Variants in FOXH1 observed in about 807,000 individuals in gnomAD.
The protein encoded by FOXH1 is forkhead box protein H1.
FOXH1 carries 10 observed loss-of-function variants against 14.2 expected under a neutral mutation model. That is an observed-to-expected ratio of 0.70 (90% CI 0.43 to 1.19). FOXH1 has a LOEUF of 1.19. FOXH1 is among the 50% of genes most tolerant of loss of function. The pLI is 0.00. For missense variants in FOXH1, 643 were observed against 492.1 expected (o/e 1.31, Z -2.90); for synonymous variants, 273 against 209.5 (o/e 1.30, Z -2.62).
chr8:144,475,023 C>T lies in FOXH1; in HGVS notation c.313G>A (p.Gly105Ser), dbSNP rs748784280. 4.4e-6 allele frequency: 7 copies of T among 1,604,404 alleles called. No homozygotes were observed. The South Asian group carries it at 6.7e-5, about 15-fold the overall frequency. Residue 105 changes from glycine (G) to serine (S), a missense_variant, in exon 3 of 3, where the codon GGC (glycine) becomes AGC (serine). Gly to Ser is a moderately conservative substitution (Grantham distance 56). Transcript: ENST00000377317. ...CTCACGTCGACCGCCCAGAAGTTGC[C>T]CTTGGCCTGGGGCTTTGCAGGGTCC... The part of the protein sequence containing the change: ...PKDPAKPQAK[G>S]NFWAVDVSLI...
chr8:144,473,587 GC>G lies in FOXH1; in HGVS notation c.*650del. 1.4e-6 allele frequency: 1 copy of G among 699,318 alleles called. No individual in the cohort carries two copies. The highest frequency in any genetic ancestry group is 2.1e-6 in the Non-Finnish European group (1 of 478,466). The allele number at this position is 699,318 out of a possible 1,614,324, so 43.3% of individuals were successfully genotyped here. A position where few individuals can be genotyped will look rare whatever the true frequency, so the allele number is the denominator to read the frequency against. On this transcript the variant is annotated 3_prime_UTR_variant, in exon 3 of 3. Transcript: ENST00000377317. ...GTGCCTGCTGAAGTGATCACCCCCCGCCCCCAGCCCTGCATCAGGCCACAGG... is the reference window on the plus strand; with the variant it reads ...GTGCCTGCTGAAGTGATCACCCCCCGCCCCAGCCCTGCATCAGGCCACAGG...
Position 144,474,689 on chromosome 8 carries a change from A to G in FOXH1, c.647T>C (p.Leu216Pro), listed in dbSNP as rs1825086697. 1.3e-6 allele frequency: 2 copies of G among 1,537,852 alleles called. No homozygotes were observed. The highest frequency in any genetic ancestry group is 1.8e-4 in the Middle Eastern group (1 of 5,624). Reference protein sequence around the residue: ...TPPLPSSERPLWPLCPLPGPT... With the variant: ...TPPLPSSERPPWPLCPLPGPT... ...GCCAGGAAGGGGGCAGAGGGGCCACAGAGGCCTCTCAGAAGAGGGAAGGGG... is the reference window on the plus strand; with the variant it reads ...GCCAGGAAGGGGGCAGAGGGGCCACGGAGGCCTCTCAGAAGAGGGAAGGGG... The change falls in exon 3 of 3, where the codon CTG becomes CCG. Residue 216 changes from leucine to proline, a missense_variant. Leu to Pro is a moderately conservative substitution (Grantham distance 98). Transcript: ENST00000377317.
Position 144,473,491 on chromosome 8 carries a change from A to T in FOXH1, c.*747T>A, listed in dbSNP as rs1481380387. The T allele has an allele frequency of 7.0e-7, 1 of 1,434,212 alleles. No individual in the cohort carries two copies. The highest frequency in any genetic ancestry group is 9.1e-7 in the Non-Finnish European group (1 of 1,096,232). 88.8% of individuals were successfully genotyped at this position (1,434,212 alleles called of 1,614,324 possible). On this transcript the variant is annotated 3_prime_UTR_variant, in exon 3 of 3. Coordinates refer to ENST00000377317, the MANE Select transcript of FOXH1 (RefSeq NM_003923.3). ...CCGTCTCCCAGGGCACAAGCTCCCT[A>T]GCCTCTTTGGATCCATTGCCCCTGA...
chr8:144,475,048 C>CTTGGGCACCTGGGTGTGGGGGTCA lies in FOXH1; in HGVS notation c.280-16_287dup (p.Pro95_Lys96insAsnAspProHisThrGlnValPro). 1.2e-6 allele frequency: 2 copies of CTTGGGCACCTGGGTGTGGGGGTCA among 1,601,610 alleles called. No homozygotes were observed. Among genetic ancestry groups the CTTGGGCACCTGGGTGTGGGGGTCA allele is most frequent in the South Asian group, 2.2e-5 (2 of 89,402 alleles). The stretch of plus-strand genomic sequence containing the variant: ...CCTTGGCCTGGGGCTTTGCAGGGTC[C>CTTGGGCACCTGGGTGTGGGGGTCA]TTGGGCACCTGGGTGTGGGGGTCAG... On this transcript the variant is annotated inframe_insertion, in exon 3 of 3. Coordinates refer to ENST00000377317, the MANE Select transcript of FOXH1 (RefSeq NM_003923.3).
Position 144,474,519 on chromosome 8 carries a change from G to A in FOXH1, c.817C>T (p.Leu273Phe). The A allele has an allele frequency of 1.2e-6, 2 of 1,611,238 alleles. No individual in the cohort carries two copies. Among genetic ancestry groups the A allele is most frequent in the South Asian group, 2.2e-5 (2 of 91,014 alleles). Residue 273 changes from leucine to phenylalanine, a missense_variant, in exon 3 of 3, where the codon CTC becomes TTC. Transcript: ENST00000377317. ...GRSSGGHRAS[L>F]WGQLPTSYLP... ...TAGGAGGTGGGCAGCTGCCCCCAGA[G>A]GGAGGCCCTGTGTCCCCCGCTGGAC...
Position 144,473,479 on chromosome 8 carries a change from C to A in FOXH1, c.*759G>T. 6.9e-7 allele frequency: 1 copy of A among 1,451,470 alleles called. No individual in the cohort carries two copies. The highest frequency in any genetic ancestry group is 1.4e-5 in the African/African-American group (1 of 69,942). 89.9% of individuals were successfully genotyped at this position (1,451,470 alleles called of 1,614,324 possible). ...AGTCCCTGTACCCCGTCTCCCAGGG[C>A]ACAAGCTCCCTAGCCTCTTTGGATC... On this transcript the variant is annotated 3_prime_UTR_variant, in exon 3 of 3. Transcript: ENST00000377317.
At position 144,474,534 on chromosome 8, in the gene FOXH1, C is replaced by A; in HGVS notation, c.802G>T (p.Gly268Ter). Residue 268 changes from glycine to a stop codon, truncating the protein, a stop_gained, in exon 3 of 3, where the codon GGA (glycine) becomes TGA (stop). Transcript: ENST00000377317. LOFTEE classifies it low-confidence loss of function (END_TRUNC). ...TAVPGGRSSG[G>*]HRASLWGQLP... ...TGCCCCCAGAGGGAGGCCCTGTGTC[C>A]CCCGCTGGACCGTCCCCCAGGAACT... The A allele has an allele frequency of 1.2e-5, 19 of 1,611,042 alleles. No individual in the cohort carries two copies. Among genetic ancestry groups the A allele is most frequent in the Non-Finnish European group, 1.6e-5 (19 of 1,179,942 alleles).
At chr8:144,475,397 G>C in intron 1 of FOXH1, 136 bp from the exon 2 acceptor site, 2 of 949,804 alleles carry the variant, frequency 2.1e-6, no homozygotes, top group Admixed American at 4.5e-5. Flanking sequence ...ATTTCTGCGC[G>C]GAAGCGCGGC....
chr8:144,474,416 C>T lies in FOXH1; in HGVS notation c.920G>A (p.Ser307Asn), dbSNP rs868156283. 25 of 1,613,148 alleles carry T rather than the reference C, an allele frequency of 1.5e-5. No homozygotes were observed. The highest frequency in any genetic ancestry group is 4.0e-5 in the African/African-American group (3 of 74,934). ...AGGGGCCACCCCCCAGTAGGCAGGG[C>T]TGGTTGACGGACACTGGGGACAGGA... ...PTSCPQCPST[S>N]PAYWGVAPET... The change falls in exon 3 of 3, where the codon AGC (serine) becomes AAC (asparagine). Residue 307 changes from serine (S) to asparagine (N), a missense_variant. Coordinates refer to ENST00000377317, the MANE Select transcript of FOXH1 (RefSeq NM_003923.3).
In FOXH1 at chr8:144,474,400, C is replaced by T. The variant is rs753781123; in HGVS notation, c.936G>A (p.Gly312=). ...QCPSTSPAYW[G]VAPETRGPPG... ...GGGGCCCTCGGGTTTCAGGGGCCAC[C>T]CCCCAGTAGGCAGGGCTGGTTGACG... The change falls in exon 3 of 3, where the codon GGG becomes GGA. Residue 312 remains glycine, a synonymous_variant. Coordinates refer to ENST00000377317, the MANE Select transcript of FOXH1 (RefSeq NM_003923.3). The T allele has an allele frequency of 2.5e-6, 4 of 1,613,104 alleles. No individual in the cohort carries two copies. The highest frequency in any genetic ancestry group is 1.7e-5 in the Admixed American group (1 of 60,008).
rs1291727074 is a variant in FOXH1, at chr8:144,473,992, A to G, written c.*246T>C. On this transcript the variant is annotated 3_prime_UTR_variant, in exon 3 of 3. Transcript: ENST00000377317. ...GACTAGGAAGGGCTATTCCAGGCTCAGCCCTGCTCCTGCAGCTTTGCCGCT... is the reference window on the plus strand; with the variant it reads ...GACTAGGAAGGGCTATTCCAGGCTCGGCCCTGCTCCTGCAGCTTTGCCGCT... The G allele has an allele frequency of 7.2e-6, 4 of 558,202 alleles. No homozygotes were observed. The allele number at this position is 558,202 out of a possible 1,614,324, so 34.6% of individuals were successfully genotyped here. A position where few individuals can be genotyped will look rare whatever the true frequency, so the allele number is the denominator to read the frequency against.
Position 144,474,747 on chromosome 8 carries a change from C to T in FOXH1, c.589G>A (p.Gly197Arg). ...PQSSPVPAGT[G>R]NSGEEAVPTP... ...GGCACCGCCTCCTCCCCACTGTTCCCTGTGCCTGCAGGAACTGGGCTGCTC... is the reference window on the plus strand; with the variant it reads ...GGCACCGCCTCCTCCCCACTGTTCCTTGTGCCTGCAGGAACTGGGCTGCTC... Residue 197 changes from glycine to arginine, a missense_variant, in exon 3 of 3, where the codon GGG (glycine) becomes AGG (arginine). Transcript: ENST00000377317. 1 of 1,569,666 alleles carries T rather than the reference C, an allele frequency of 6.4e-7. No homozygotes were observed.
rs780825178 is a variant in FOXH1, at chr8:144,475,271, C to T, written c.175-10G>A. The T allele has an allele frequency of 2.5e-6, 4 of 1,608,426 alleles. No homozygotes were observed. In the African/African-American group the frequency reaches 4.0e-5, roughly 16 times the overall value. ...GGACCTGACGGATGATCTGAAACCG[C>T]CAGGCGGCCGGCCGGCGCCGTGAGC... On this transcript the variant is annotated splice_polypyrimidine_tract_variant and intron_variant, in intron 1 of 2. Transcript: ENST00000377317.
Position 144,474,253 on chromosome 8 carries a change from G to C in FOXH1, c.1083C>G (p.Ser361=), listed in dbSNP as rs772406102. 5.7e-6 allele frequency: 9 copies of C among 1,582,506 alleles called. No homozygotes were observed. The South Asian group carries it at 1.0e-4, about 18-fold the overall frequency. The change falls in exon 3 of 3, where the codon TCC becomes TCG. Residue 361 remains serine (S), a synonymous_variant. Coordinates refer to ENST00000377317, the MANE Select transcript of FOXH1 (RefSeq NM_003923.3). ...CTTAAGAGCCTCACAGGCTGCACCA[G>C]GAGAGCAGCCAGCCTGGGCCAGGGG... is the stretch of plus-strand genomic sequence containing the variant. The part of the protein sequence containing the change: ...LAAPGPGWLL[S]WCSL
At position 144,474,407 on chromosome 8, in the gene FOXH1, T is replaced by G; in HGVS notation, c.929A>C (p.Tyr310Ser). 6.2e-7 allele frequency: 1 copy of G among 1,613,240 alleles called. No homozygotes were observed. The highest frequency in any genetic ancestry group is 2.2e-5 in the East Asian group (1 of 44,880). Residue 310 changes from tyrosine to serine, a missense_variant, in exon 3 of 3, where the codon TAC becomes TCC. Transcript: ENST00000377317. Reference protein sequence around the residue: ...CPQCPSTSPAYWGVAPETRGP... With the variant: ...CPQCPSTSPASWGVAPETRGP... ...TCGGGTTTCAGGGGCCACCCCCCAG[T>G]AGGCAGGGCTGGTTGACGGACACTG... is the stretch of plus-strand genomic sequence containing the variant.
Position 144,474,847 on chromosome 8 carries a change from G to C in FOXH1, c.489C>G (p.Pro163=). Residue 163 remains proline (P), a synonymous_variant, in exon 3 of 3, where the codon CCC becomes CCG. Coordinates refer to ENST00000377317, the MANE Select transcript of FOXH1 (RefSeq NM_003923.3). Reference sequence around the variant, plus strand: ...GGGACTTGATGCTGAAGCCCTCACTGGGTGGTGGCGGGGGACTGGGCGGCC... The same window carrying C: ...GGGACTTGATGCTGAAGCCCTCACTCGGTGGTGGCGGGGGACTGGGCGGCC... The part of the protein sequence containing the change: ...PYRPPSPPPP[P]SEGFSIKSLL... The C allele has an allele frequency of 6.2e-7, 1 of 1,611,858 alleles. No homozygotes were observed. Among genetic ancestry groups the C allele is most frequent in the South Asian group, 1.1e-5 (1 of 91,036 alleles).
chr8:144,475,791 C>CGGGTGGA lies in FOXH1; in HGVS notation c.-42_-36dup, dbSNP rs969456147. ...TAGACAGCGTGGGCAGGGGCCTGGCCGGGTGGAGGGTGCAGGGCGGTGGGG... is the reference window on the plus strand; with the variant it reads ...TAGACAGCGTGGGCAGGGGCCTGGCCGGGTGGAGGGTGGAGGGTGCAGGGCGGTGGGG... On this transcript the variant is annotated 5_prime_UTR_variant, in exon 1 of 3. Coordinates refer to ENST00000377317, the MANE Select transcript of FOXH1 (RefSeq NM_003923.3). 1 of 1,265,936 alleles carries CGGGTGGA rather than the reference C, an allele frequency of 7.9e-7. No individual in the cohort carries two copies. Among genetic ancestry groups the CGGGTGGA allele is most frequent in the African/African-American group, 1.6e-5 (1 of 63,386 alleles). 78.4% of individuals were successfully genotyped at this position (1,265,936 alleles called of 1,614,324 possible). A position where few individuals can be genotyped will look rare whatever the true frequency, so the allele number is the denominator to read the frequency against.
chr8:144,473,557 G>T lies in FOXH1; in HGVS notation c.*681C>A. Reference sequence around the variant, plus strand: ...CCTCCACCTCCGCAGCCAGTGAAGTGTGTTGTGCCTGCTGAAGTGATCACC... The same window carrying T: ...CCTCCACCTCCGCAGCCAGTGAAGTTTGTTGTGCCTGCTGAAGTGATCACC... On this transcript the variant is annotated 3_prime_UTR_variant, in exon 3 of 3. Transcript: ENST00000377317. 2 of 1,090,390 alleles carry T rather than the reference G, an allele frequency of 1.8e-6. No individual in the cohort carries two copies. The highest frequency in any genetic ancestry group is 2.5e-6 in the Non-Finnish European group (2 of 795,058). 67.5% of individuals were successfully genotyped at this position (1,090,390 alleles called of 1,614,324 possible).
rs2130031602 is a variant in FOXH1, at chr8:144,473,845, AGAT to A, written c.*390_*392del. 1 of 363,090 alleles carries A rather than the reference AGAT, an allele frequency of 2.8e-6. No individual in the cohort carries two copies. Among genetic ancestry groups the A allele is most frequent in the Admixed American group, 4.3e-5 (1 of 23,052 alleles). The allele number at this position is 363,090 out of a possible 1,614,324, so 22.5% of individuals were successfully genotyped here. ...AAAAGGTGCTACCTCCTTTCCAGAC[AGAT>A]GAGAGAGGGCAGGACTTCAGGCTGG... On this transcript the variant is annotated 3_prime_UTR_variant, in exon 3 of 3. Coordinates refer to ENST00000377317, the MANE Select transcript of FOXH1 (RefSeq NM_003923.3).
Sources: gnomAD v4.1 joint callset for allele counts on GRCh38, gnomAD v4.1.1 for gene constraint, MANE v1.5 for transcripts, NCBI Gene and HGNC (gene_info 2026-07-23, HGNC 2026-07-21) for gene names.